Variants in SYT1 observed in about 807,000 individuals in gnomAD.
SYT1 encodes synaptotagmin-1.
Under a neutral mutation model 44.8 loss-of-function variants are expected in SYT1, and 8 were observed. The ratio of observed to expected loss-of-function variants is 0.18; its 90% CI spans 0.10 to 0.32. The LOEUF is 0.32. SYT1 is among the 10% of genes least tolerant of loss of function. SYT1 has a pLI of 1.00. For synonymous variants in SYT1, 154 were observed against 188.8 expected, an observed-to-expected ratio of 0.82 and a Z score of 1.51; for missense variants, 286 against 509.3, an observed-to-expected ratio of 0.56 and a Z score of 4.22.
chr12:79,408,281 C>G (rs1868308472), intron 9 of SYT1, among the ~76,000 whole-genome samples: 2 of 152,122 alleles, frequency 1.3e-5, no homozygotes, highest in Admixed American at 6.6e-5. Flanking sequence ...TGCTGAATTT[C>G]ACAACTATTG....
intron 3 of SYT1, among the ~76,000 whole-genome samples, chr12:79,126,472 G>A (rs1232009126): frequency 6.6e-6 from 1 of 152,108 alleles, no homozygotes; most frequent in East Asian, 1.9e-4. Flanking sequence ...TGTTGGCCAG[G>A]ATGGTCTCGA....
At chr12:78,945,056 T>G (rs1313854612) in intron 1 of SYT1, among the ~76,000 whole-genome samples, 3 of 152,140 alleles carry the variant, frequency 2.0e-5, no homozygotes, top group Non-Finnish European at 4.4e-5. Flanking sequence ...AATGACAACT[T>G]CAATCACCAC....
intron 10 of SYT1, among the ~76,000 whole-genome samples, chr12:79,444,556 C>T (rs571453910): frequency 6.6e-6 from 1 of 152,262 alleles, no homozygotes; most frequent in African/African-American, 2.4e-5. Flanking sequence ...ATAAATAAGT[C>T]TCCCCATGAG....
chr12:78,991,740 C>T (rs1437210297), intron 2 of SYT1, among the ~76,000 whole-genome samples: 1 of 152,114 alleles, frequency 6.6e-6, no homozygotes, highest in Non-Finnish European at 1.5e-5. Flanking sequence ...CTTTCTTAGG[C>T]TAACAAGTTC....
chr12:78,944,391 G>A (rs1592590599), intron 1 of SYT1, among the ~76,000 whole-genome samples: 2 of 151,910 alleles, frequency 1.3e-5, no homozygotes, highest in South Asian at 4.2e-4. Flanking sequence ...AAACAACTTA[G>A]TTTCTATTTA....
chr12:79,286,606 A>G (rs1308606198), intron 5 of SYT1, among the ~76,000 whole-genome samples: 2 of 152,188 alleles, frequency 1.3e-5, no homozygotes, highest in African/African-American at 4.8e-5. Flanking sequence ...GACAATTACA[A>G]CCATAACACT....
chr12:79,040,899 G>T (rs1182617089), intron 2 of SYT1, among the ~76,000 whole-genome samples: 1 of 149,832 alleles, frequency 6.7e-6, no homozygotes, highest in Admixed American at 6.6e-5. Context: ...CCCATTGCTT[G>T]TTTTTCTCAG....
chr12:79,229,981 AGGAAACTCC>A (rs1875772656), intron 4 of SYT1, among the ~76,000 whole-genome samples: 1 of 152,182 alleles, frequency 6.6e-6, no homozygotes, highest in Admixed American at 6.5e-5. Flanking sequence ...TAAAAACTGC[AGGAAACTCC>A]TGGCATTTAG....
At chr12:79,422,007 A>T (rs934294771) in intron 9 of SYT1, among the ~76,000 whole-genome samples, 2 of 152,058 alleles carry the variant, frequency 1.3e-5, no homozygotes, top group Non-Finnish European at 2.9e-5. Flanking sequence ...TTTGAACTCC[A>T]ATCTGTCACC....
chr12:78,933,982 A>G (rs1822405065), intron 1 of SYT1, among the ~76,000 whole-genome samples: 1 of 152,114 alleles, frequency 6.6e-6, no homozygotes, highest in Non-Finnish European at 1.5e-5. Context: ...GATGCAGTTT[A>G]TATGTCTTTT....
intron 9 of SYT1, among the ~76,000 whole-genome samples, chr12:79,441,930 C>A (rs1001790382): frequency 1.3e-5 from 2 of 152,202 alleles, no homozygotes; most frequent in Non-Finnish European, 2.9e-5. Flanking sequence ...TCCTGATCAA[C>A]CTTTTTTAAA....
intron 10 of SYT1, among the ~76,000 whole-genome samples, chr12:79,446,412 T>TATCA (rs1203963518): frequency 6.6e-6 from 1 of 152,138 alleles, no homozygotes; most frequent in African/African-American, 2.4e-5. Context: ...TGAAATATTC[T>TATCA]ATCATCCATG....
At chr12:78,982,124 A>C (rs1869308546) in intron 2 of SYT1, among the ~76,000 whole-genome samples, 1 of 152,202 alleles carries the variant, frequency 6.6e-6, no homozygotes, top group African/African-American at 2.4e-5. Flanking sequence ...GCTCATGATA[A>C]AAATTCTACA....
chr12:79,240,110 T>G (rs946420556), intron 4 of SYT1, among the ~76,000 whole-genome samples: 1 of 152,234 alleles, frequency 6.6e-6, no homozygotes, highest in Admixed American at 6.5e-5. Context: ...AAGAGAAGGC[T>G]TACATAGGGC....
At chr12:79,407,389 A>G (rs1363041929) in intron 9 of SYT1, among the ~76,000 whole-genome samples, 1 of 152,106 alleles carries the variant, frequency 6.6e-6, no homozygotes, top group Non-Finnish European at 1.5e-5. Context: ...GGGAGGTAAG[A>G]CCATGACAGT....
chr12:79,379,797 C>T (rs1358751038), intron 9 of SYT1, among the ~76,000 whole-genome samples: 3 of 152,136 alleles, frequency 2.0e-5, no homozygotes, highest in African/African-American at 4.8e-5. Flanking sequence ...AAATAAAAGA[C>T]TATGAGCATA....
intron 4 of SYT1, among the ~76,000 whole-genome samples, chr12:79,284,303 C>T (rs927901292): frequency 9.2e-5 from 14 of 151,966 alleles, no homozygotes; most frequent in Admixed American, 7.9e-4. Flanking sequence ...ATAGAAAACT[C>T]AATGTTTATT....
chr12:79,361,268 G>A (rs1883305303), intron 9 of SYT1, among the ~76,000 whole-genome samples: 3 of 152,242 alleles, frequency 2.0e-5, no homozygotes, highest in Non-Finnish European at 2.9e-5. Flanking sequence ...TATTTTTAAT[G>A]TGATTTTATT....
At chr12:79,363,185 A>G (rs1405071782) in intron 9 of SYT1, among the ~76,000 whole-genome samples, 2 of 152,158 alleles carry the variant, frequency 1.3e-5, no homozygotes, top group African/African-American at 4.8e-5. Context: ...TGGGAGGAAT[A>G]GAGTCCCCAC....
Sources: gnomAD v4.1 joint callset for allele counts (sites outside exome capture counted in the v4.1 genomes callset) on GRCh38, gnomAD v4.1.1 for gene constraint, MANE v1.5 for transcripts, NCBI Gene and HGNC (gene_info 2026-07-23, HGNC 2026-07-21) for gene names.